Variants in BTBD2 observed in about 807,000 individuals in gnomAD.
BTBD2 encodes BTB domain containing 2.
Under a neutral mutation model 44.0 loss-of-function variants are expected in BTBD2, and 15 were observed. The ratio of observed to expected loss-of-function variants is 0.34; its 90% CI spans 0.23 to 0.53. The LOEUF (loss-of-function observed/expected upper bound fraction) is 0.53, where lower values mean the gene tolerates loss of function less well. Among genes scored for constraint, BTBD2 ranks in the 20% least tolerant of loss-of-function variants. BTBD2 has a pLI of 0.95. For missense variants in BTBD2, 657 were observed against 746.4 expected (o/e 0.88, Z 1.39); for synonymous variants, 443 against 335.9 (o/e 1.32, Z -3.49).
intron 7 of BTBD2, 78 bp downstream of exon 7, chr19:1,987,088 G>T (rs1290170886): frequency 1.3e-6 from 2 of 1,594,968 alleles, no homozygotes; most frequent in Non-Finnish European, 1.7e-6. Flanking sequence ...AGGGCCGGGG[G>T]TTCAGCCAGG....
Position 1,986,530 on chromosome 19 carries a change from G to A in BTBD2, c.1536C>T (p.Ser512=), listed in dbSNP as rs529159931. ...CCTCGGGGATCTGGCCGTCCTCCAC[G>A]GATGTGCCATTGTTGTTCCCGGCCG... ...CYAAGNNNGT[S]VEDGQIPEVI... is the part of the protein sequence containing the mutation. The change falls in exon 9 of 9, where the codon TCC becomes TCT. Residue 512 remains serine (S), a synonymous_variant. Transcript: ENST00000255608. 53 of 1,614,070 alleles carry A rather than the reference G, an allele frequency of 3.3e-5. No individual in the cohort carries two copies. Among genetic ancestry groups the A allele is most frequent in the East Asian group, 1.1e-4 (5 of 44,884 alleles).
At chr19:1,994,090 G>T (rs1381398730) in intron 2 of BTBD2, among the ~76,000 whole-genome samples, 2 of 150,250 alleles carry the variant, frequency 1.3e-5, no homozygotes, top group African/African-American at 4.9e-5. Flanking sequence ...GCCGAGGCGG[G>T]CAGATCACTT....
intron 1 of BTBD2, among the ~76,000 whole-genome samples, chr19:1,999,606 C>T (rs1375014645): frequency 6.6e-6 from 1 of 151,558 alleles, no homozygotes; most frequent in Non-Finnish European, 1.5e-5. Flanking sequence ...GTCAAGGCTT[C>T]AGAGAGCCAG....
At chr19:2,005,624 A>G (rs145730737) in intron 1 of BTBD2, among the ~76,000 whole-genome samples, 1,948 of 151,958 alleles carry the variant, frequency 0.013, 33 homozygotes, top group African/African-American at 0.044. Context: ...TCTCCTAAAA[A>G]TACAAAACGT....
chr19:1,990,947 G>A, intron 3 of BTBD2, 125 bp from the exon 4 acceptor site: 1 of 834,280 alleles, frequency 1.2e-6, no homozygotes. Context: ...GTGGCCAGGA[G>A]CCACCAGGGT....
chr19:1,999,164 C>T (rs1462482345), intron 1 of BTBD2, among the ~76,000 whole-genome samples: 2 of 152,204 alleles, frequency 1.3e-5, no homozygotes, highest in Non-Finnish European at 2.9e-5. Context: ...GCCCTCAGCC[C>T]ACCCGGTCCA....
chr19:1,986,699 C>T (rs766372627), intron 8 of BTBD2, 50 bp from the exon 9 acceptor site: 10 of 1,601,364 alleles, frequency 6.2e-6, no homozygotes, highest in African/African-American at 2.7e-5. Flanking sequence ...GGCTGGGATG[C>T]CCCAGGTGTG....
intron 2 of BTBD2, among the ~76,000 whole-genome samples, chr19:1,994,211 G>A (rs2016220846): frequency 6.6e-6 from 1 of 151,746 alleles, no homozygotes. Flanking sequence ...AGCTACCTGG[G>A]AGGCTGAGGC....
intron 2 of BTBD2, 32 bp downstream of exon 2, chr19:1,997,298 CCTCCCCAGGCCCAG>C: frequency 6.2e-7 from 1 of 1,612,264 alleles, no homozygotes; most frequent in Non-Finnish European, 8.5e-7. Flanking sequence ...CTGAGGTCCC[CCTCCCCAGGCCCAG>C]CTCCCCAGCA....
Position 1,990,412 on chromosome 19 carries a change from G to A in BTBD2, c.791-211C>T, listed in dbSNP as rs552619784. 4 of 639,552 alleles carry A rather than the reference G, an allele frequency of 6.3e-6. No homozygotes were observed. The South Asian group carries it at 7.8e-5, about 12-fold the overall frequency. 39.6% of individuals were successfully genotyped at this position (639,552 alleles called of 1,614,324 possible). A position where few individuals can be genotyped will look rare whatever the true frequency, so the allele number is the denominator to read the frequency against. On this transcript the variant is annotated intron_variant, in intron 4 of 8. Transcript: ENST00000255608. ...TTTCCTCGGCTGTGGTTGTTTTTAA[G>A]CCACAAGGACAGACTTGAGTAGCTT...
chr19:2,000,660 G>A (rs771935914), intron 1 of BTBD2, among the ~76,000 whole-genome samples: 9 of 151,768 alleles, frequency 5.9e-5, no homozygotes, highest in South Asian at 2.1e-4. Flanking sequence ...CCCCACTCCC[G>A]GCTGTTCCCC....
In BTBD2 at chr19:2,015,678, C is replaced by A; in HGVS notation, c.26G>T (p.Arg9Leu). 1.0e-6 allele frequency: 1 copy of A among 982,926 alleles called. No individual in the cohort carries two copies. Among genetic ancestry groups the A allele is most frequent in the Non-Finnish European group, 1.2e-6 (1 of 833,570 alleles). 60.9% of individuals were successfully genotyped at this position (982,926 alleles called of 1,614,324 possible). A position where few individuals can be genotyped will look rare whatever the true frequency, so the allele number is the denominator to read the frequency against. ...CCCGACCCCCGGCGGGCACGACGCACGCCCGCCGCTCCCACCCGCCGCCAT... is the reference window on the plus strand; with the variant it reads ...CCCGACCCCCGGCGGGCACGACGCAAGCCCGCCGCTCCCACCCGCCGCCAT... MAAGGSGG[R>L]ASCPPGVGVG... Residue 9 changes from arginine (R) to leucine (L), a missense_variant, in exon 1 of 9, where the codon CGT becomes CTT. Arg to Leu is a moderately radical substitution (Grantham distance 102, BLOSUM62 -2). Coordinates refer to ENST00000255608, the MANE Select transcript of BTBD2 (RefSeq NM_017797.4).
chr19:1,998,390 T>G (rs1276266845), intron 1 of BTBD2, among the ~76,000 whole-genome samples: 2 of 152,080 alleles, frequency 1.3e-5, no homozygotes, highest in Non-Finnish European at 2.9e-5. Context: ...GCCACGTCCA[T>G]GGGGAAGGGC....
At chr19:1,987,454 C>G in intron 6 of BTBD2, 46 bp downstream of exon 6, 1 of 1,432,672 alleles carries the variant, frequency 7.0e-7, no homozygotes, top group South Asian at 1.3e-5. Flanking sequence ...TCCCCGAGTC[C>G]TCCACCCCCA....
chr19:1,990,366 C>T, intron 4 of BTBD2, 165 bp from the exon 5 acceptor site: 1 of 718,844 alleles, frequency 1.4e-6, no homozygotes, highest in South Asian at 1.8e-5. Context: ...GCTTTATCAA[C>T]ACAAGACCAC....
intron 3 of BTBD2, 66 bp downstream of exon 3, chr19:1,992,942 CAGCCTCGGTCCG>C: frequency 5.5e-6 from 5 of 907,346 alleles, no homozygotes; most frequent in Non-Finnish European, 7.3e-6. Context: ...CCTCCGCCTC[CAGCCTCGGTCCG>C]CCCCACCCCG....
At chr19:1,987,374 C>T (rs2016103599) in intron 6 of BTBD2, 121 bp from the exon 7 acceptor site, 7 of 1,410,970 alleles carry the variant, frequency 5.0e-6, no homozygotes, top group East Asian at 6.7e-5. Flanking sequence ...CCCCCATGCC[C>T]GGCGGCCCCC....
chr19:2,002,264 A>G (rs1273124885), intron 1 of BTBD2, among the ~76,000 whole-genome samples: 1 of 152,092 alleles, frequency 6.6e-6, no homozygotes, highest in African/African-American at 2.4e-5. Context: ...AATGTTTTGT[A>G]CAGACGGGGT....
chr19:1,990,772 G>A lies in BTBD2; in HGVS notation c.735C>T (p.Ile245=), dbSNP rs758890370. 5.0e-6 allele frequency: 8 copies of A among 1,601,118 alleles called. No homozygotes were observed. Among genetic ancestry groups the A allele is most frequent in the Middle Eastern group, 1.7e-4 (1 of 5,942 alleles). Residue 245 remains isoleucine (I), a synonymous_variant, in exon 4 of 9, where the codon ATC becomes ATT. Transcript: ENST00000255608. ...TGATGGCGTCTGCAGTGTTTTTGTC[G>A]ATGTTCTCCAGGCACAGGCTGGCCA... is the stretch of plus-strand genomic sequence containing the variant. ...PQLASLCLEN[I]DKNTADAITA...
Sources: gnomAD v4.1 joint callset for allele counts (sites outside exome capture counted in the v4.1 genomes callset) on GRCh38, gnomAD v4.1.1 for gene constraint, MANE v1.5 for transcripts, NCBI Gene and HGNC (gene_info 2026-07-23, HGNC 2026-07-21) for gene names.